PRKCH: variants seen among roughly 807,000 people sequenced by gnomAD.
PRKCH encodes the protein protein kinase C eta type.
PRKCH carries 28 observed loss-of-function variants against 82.5 expected under a neutral mutation model. The observed-to-expected ratio is 0.34, with a 90% confidence interval of 0.25 to 0.47. The LOEUF is 0.47. Among genes scored for constraint, PRKCH ranks in the 20% least tolerant of loss-of-function variants. PRKCH has a pLI of 1.00. For synonymous variants in PRKCH, 322 were observed against 327.4 expected (o/e 0.98, Z 0.18); for missense variants, 705 against 881.8 (o/e 0.80, Z 2.54).
At chr14:61,541,201 GAGA>G (rs1383313351) in intron 12 of PRKCH, among the ~76,000 whole-genome samples, 1 of 152,256 alleles carries the variant, frequency 6.6e-6, no homozygotes, top group African/African-American at 2.4e-5. Flanking sequence ...GGTATAAAAG[GAGA>G]AGGTTGGTCT....
chr14:61,319,646 A>G (rs950308166), upstream of PRKCH, among the ~76,000 whole-genome samples: 11 of 152,180 alleles, frequency 7.2e-5, no homozygotes, highest in East Asian at 1.9e-4. Flanking sequence ...GTCCAACAGG[A>G]GCAAATCCTT....
At chr14:61,449,856 GTCTCTCTCTC>G (rs149977373) in intron 5 of PRKCH, among the ~76,000 whole-genome samples, 7,311 of 142,170 alleles carry the variant, frequency 0.051, 267 homozygotes, top group African/African-American at 0.11. Context: ...CAGGGAAGAT[GTCTCTCTCTC>G]TCTCTCTCTC....
chr14:61,495,937 A>AT (rs1442984668), intron 10 of PRKCH, among the ~76,000 whole-genome samples: 1 of 152,212 alleles, frequency 6.6e-6, no homozygotes. Flanking sequence ...TGACACAGAG[A>AT]TTTTTAAAAG....
intron 1 of PRKCH, among the ~76,000 whole-genome samples, chr14:61,254,009 C>CCCTTCCTT (rs923432843): frequency 2.9e-5 from 3 of 105,010 alleles, no homozygotes; most frequent in East Asian, 2.6e-4. Flanking sequence ...CTCCCTCCCT[C>CCCTTCCTT]CCTTCCTTCC....
At chr14:61,349,357 G>A (rs1223720420) in intron 1 of PRKCH, among the ~76,000 whole-genome samples, 1 of 152,152 alleles carries the variant, frequency 6.6e-6, no homozygotes, top group African/African-American at 2.4e-5. Context: ...CATCAGTCCT[G>A]TTGAGGTAGA....
intron 1 of PRKCH, among the ~76,000 whole-genome samples, chr14:61,311,685 T>G (rs2045525042): frequency 6.6e-6 from 1 of 152,228 alleles, no homozygotes; most frequent in Admixed American, 6.5e-5. Context: ...GGGTAATTTA[T>G]AAAGAAAAGA....
intron 10 of PRKCH, among the ~76,000 whole-genome samples, chr14:61,524,453 A>C (rs1167635601): frequency 1.3e-5 from 2 of 152,176 alleles, no homozygotes; most frequent in African/African-American, 4.8e-5. Flanking sequence ...TGGTTTTGGC[A>C]TTTTAGTATT....
intron 2 of PRKCH, among the ~76,000 whole-genome samples, chr14:61,410,216 C>T (rs183880974): frequency 3.9e-5 from 6 of 152,222 alleles, no homozygotes; most frequent in African/African-American, 1.2e-4. Flanking sequence ...GGACTTCACC[C>T]CCACCCCGTT....
At chr14:61,379,521 G>C (rs994574242) in intron 1 of PRKCH, among the ~76,000 whole-genome samples, 1 of 152,206 alleles carries the variant, frequency 6.6e-6, no homozygotes, top group Non-Finnish European at 1.5e-5. Flanking sequence ...TTTTGCTGGA[G>C]CTTTTGCCTT....
At chr14:61,419,018 A>G (rs543338439) in intron 2 of PRKCH, among the ~76,000 whole-genome samples, 1 of 152,242 alleles carries the variant, frequency 6.6e-6, no homozygotes, top group Admixed American at 6.5e-5. Flanking sequence ...TAGATCCTAC[A>G]CTGGCTCAGT....
intron 10 of PRKCH, among the ~76,000 whole-genome samples, chr14:61,514,565 TG>T (rs1158404536): frequency 6.6e-6 from 1 of 152,074 alleles, no homozygotes; most frequent in Non-Finnish European, 1.5e-5. Flanking sequence ...AGGTCCCAGA[TG>T]GGTCCCAGGG....
At chr14:61,313,370 C>A (rs958037994) in intron 1 of PRKCH, among the ~76,000 whole-genome samples, 2 of 152,302 alleles carry the variant, frequency 1.3e-5, no homozygotes, top group Admixed American at 1.3e-4. Context: ...AAAATGATTA[C>A]TATTTTAAAC....
intron 1 of PRKCH, among the ~76,000 whole-genome samples, chr14:61,246,690 TCTC>T (rs1161087294): frequency 2.6e-5 from 4 of 152,164 alleles, no homozygotes; most frequent in African/African-American, 9.7e-5. Context: ...TCTTCTCTAC[TCTC>T]CTCCTTGCCC....
At chr14:61,456,579 G>A (rs975909491) in intron 7 of PRKCH, among the ~76,000 whole-genome samples, 2 of 152,136 alleles carry the variant, frequency 1.3e-5, no homozygotes, top group African/African-American at 2.4e-5. Context: ...GTATAAAAAC[G>A]TGTGCGTGTG....
At chr14:61,454,196 C>T (rs553282937) in intron 7 of PRKCH, among the ~76,000 whole-genome samples, 42 of 152,082 alleles carry the variant, frequency 2.8e-4, no homozygotes, top group African/African-American at 9.4e-4. Flanking sequence ...CTCCACCTCC[C>T]AGGTTCAAGC....
chr14:61,371,832 G>A (rs1190256483), intron 1 of PRKCH, among the ~76,000 whole-genome samples: 1 of 152,008 alleles, frequency 6.6e-6, no homozygotes, highest in Non-Finnish European at 1.5e-5. Flanking sequence ...ACCTCCCTGA[G>A]GGAGGTAGTA....
At chr14:61,342,889 T>C (rs1259747422) in intron 1 of PRKCH, among the ~76,000 whole-genome samples, 2 of 152,194 alleles carry the variant, frequency 1.3e-5, no homozygotes, top group African/African-American at 4.8e-5. Context: ...CCGGCTAACA[T>C]TAGACAATGC....
At chr14:61,488,404 C>T (rs1174838845) in intron 10 of PRKCH, among the ~76,000 whole-genome samples, 2 of 152,192 alleles carry the variant, frequency 1.3e-5, no homozygotes, top group African/African-American at 4.8e-5. Flanking sequence ...ATTCTTCTAA[C>T]AATATTATTG....
intron 1 of PRKCH, among the ~76,000 whole-genome samples, chr14:61,204,797 G>T (rs919938654): frequency 3.3e-5 from 5 of 150,916 alleles, no homozygotes; most frequent in African/African-American, 1.2e-4. Context: ...ATAAATAGAG[G>T]TATAGGGCAT....
Sources: allele counts gnomAD v4.1 joint callset (sites outside exome capture counted in the v4.1 genomes callset), GRCh38; gene constraint gnomAD v4.1.1; transcripts MANE v1.5; gene names NCBI Gene and HGNC (gene_info 2026-07-23, HGNC 2026-07-21).